The following TNS3 variants were observed in gnomAD, a reference collection of about 807,000 sequenced individuals.
TNS3 encodes tensin 3, also known as tensin-3.
A neutral mutation model predicts 140.9 loss-of-function variants in TNS3; 45 were observed. That is an observed-to-expected ratio of 0.32 (90% confidence interval 0.25 to 0.41). TNS3 has a LOEUF of 0.41. TNS3 is among the 10% of genes least tolerant of loss of function. TNS3 has a pLI of 1.00. For synonymous variants in TNS3, 815 were observed against 788.4 expected (o/e 1.03, Z -0.56); for missense variants, 1,716 against 1,906.7 (o/e 0.90, Z 1.86).
At chr7:47,373,294 C>T (rs80048215) in intron 16 of TNS3, among the ~76,000 whole-genome samples, 2,072 of 152,170 alleles carry the variant, frequency 0.014, 43 homozygotes, top group African/African-American at 0.047. Context: ...TTTACGTTTA[C>T]AAAATGGAAT....
At chr7:47,411,649 C>G (rs1584598246) in intron 13 of TNS3, 78 bp downstream of exon 13, 5 of 1,458,616 alleles carry the variant, frequency 3.4e-6, no homozygotes, top group Middle Eastern at 3.7e-4. Flanking sequence ...ACTGTTTTAA[C>G]ACAGAATCAT....
chr7:47,560,455 G>A (rs958489636), intron 1 of TNS3, among the ~76,000 whole-genome samples: 2 of 152,150 alleles, frequency 1.3e-5, no homozygotes, highest in Non-Finnish European at 2.9e-5. Context: ...ATATCACTCT[G>A]TCCAAAACCT....
intron 1 of TNS3, among the ~76,000 whole-genome samples, chr7:47,553,928 C>A (rs1800126150): frequency 6.6e-6 from 1 of 151,974 alleles, no homozygotes; most frequent in South Asian, 2.1e-4. Context: ...CCTCAGCCTC[C>A]CGAGTAGCTG....
intron 13 of TNS3, among the ~76,000 whole-genome samples, chr7:47,411,034 T>C (rs834606): frequency 0.4 from 61,524 of 152,056 alleles, 12,622 homozygotes; most frequent in Non-Finnish European, 0.42. Flanking sequence ...TTTCACACTT[T>C]GGCTATTAAT....
intron 16 of TNS3, among the ~76,000 whole-genome samples, chr7:47,385,012 C>T (rs1791992811): frequency 6.6e-6 from 1 of 152,230 alleles, no homozygotes; most frequent in Non-Finnish European, 1.5e-5. Flanking sequence ...TCAACACCTC[C>T]ACTCCCCAGA....
chr7:47,369,244 C>T lies in TNS3; in HGVS notation c.1402G>A (p.Ala468Thr), dbSNP rs763570735. 7.4e-6 allele frequency: 12 copies of T among 1,614,064 alleles called. No homozygotes were observed. The highest frequency in any genetic ancestry group is 5.3e-5 in the African/African-American group (4 of 74,930). The change falls in exon 17 of 31, where the codon GCT becomes ACT. Residue 468 changes from alanine (A) to threonine (T), a missense_variant. This residue lies in a region of TNS3 where 1,163 missense variants were observed against 1,182.1 expected (regional missense o/e 0.98). Coordinates refer to ENST00000311160, the MANE Select transcript of TNS3 (RefSeq NM_022748.12). ...VPAQVHVNGD[A>T]ALKDRETDIL... ...TCTGTCTCCCGATCCTTCAGAGCAG[C>T]GTCTCCATTCACGTGAACCTGGGCT...
intron 20 of TNS3, among the ~76,000 whole-genome samples, chr7:47,324,419 AAC>A (rs1223040349): frequency 6.6e-6 from 1 of 152,230 alleles, no homozygotes; most frequent in Non-Finnish European, 1.5e-5. Flanking sequence ...CCTATCCACA[AAC>A]ATGGCTTTCT....
chr7:47,557,077 C>T (rs1446620143), intron 1 of TNS3: 1 of 456,808 alleles, frequency 2.2e-6, no homozygotes, highest in Non-Finnish European at 4.4e-6. Context: ...CATCTTCCAC[C>T]AGTTGGTGAT....
In TNS3 at chr7:47,293,833, G is replaced by A. The variant is rs368832294; in HGVS notation, c.3677-5C>T. 1.1e-4 allele frequency: 170 copies of A among 1,614,106 alleles called. No homozygotes were observed. Among genetic ancestry groups the A allele is most frequent in the Admixed American group, 1.8e-4 (11 of 60,032 alleles). On this transcript the variant is annotated splice_polypyrimidine_tract_variant and splice_region_variant and intron_variant, in intron 24 of 30. Transcript: ENST00000311160. ...GTTCATTGGCCAAATCTCCAGCTGT[G>A]GCAAGAAATTTAAAGAAAGAAGAAT...
intron 9 of TNS3, among the ~76,000 whole-genome samples, chr7:47,425,943 G>T (rs1794622436): frequency 6.6e-6 from 1 of 151,850 alleles, no homozygotes; most frequent in South Asian, 2.1e-4. Flanking sequence ...TTGTAGAAAT[G>T]ATCAAAAATA....
chr7:47,368,657 T>G lies in TNS3; in HGVS notation c.1989A>C (p.Lys663Asn), dbSNP rs1790854810. Residue 663 changes from lysine to asparagine, a missense_variant, in exon 17 of 31, where the codon AAA becomes AAC. Physicochemically the swap from Lys to Asn is moderately conservative, Grantham distance 94. This residue lies in a region of TNS3 where 1,163 missense variants were observed against 1,182.1 expected (regional missense o/e 0.98). Transcript: ENST00000311160. Reference sequence around the variant, plus strand: ...CTCCTGGAAACCTGGGTTTGAACGCTTTGCTGGGAGAGGGCTGCTGTGTGT... The same window carrying G: ...CTCCTGGAAACCTGGGTTTGAACGCGTTGCTGGGAGAGGGCTGCTGTGTGT... ...PPDTQQPSPS[K>N]AFKPRFPGDQ... 6.2e-7 allele frequency: 1 copy of G among 1,601,440 alleles called. No homozygotes were observed. Among genetic ancestry groups the G allele is most frequent in the East Asian group, 2.2e-5 (1 of 44,816 alleles).
intron 1 of TNS3, among the ~76,000 whole-genome samples, chr7:47,537,115 C>A (rs1344083411): frequency 2.0e-5 from 3 of 151,888 alleles, no homozygotes; most frequent in Non-Finnish European, 4.4e-5. Flanking sequence ...CATGGCTGCC[C>A]CTGCCGCCCG....
Position 47,326,880 on chromosome 7 carries a change from G to A in TNS3, c.2650+17875C>T, listed in dbSNP as rs113962110. The stretch of plus-strand genomic sequence containing the variant: ...TTTTCAGCCTGGGAAGGAGAAGCTG[G>A]ACCTTGAGCCACTTGGGCTTGTCTC... On this transcript the variant is annotated intron_variant, in intron 20 of 30. Coordinates refer to ENST00000311160, the MANE Select transcript of TNS3 (RefSeq NM_022748.12). Among the ~76,000 whole-genome samples the A allele has an allele frequency of 4.4e-3, 675 of 152,306 alleles. 7 individuals are homozygous for A. The highest frequency in any genetic ancestry group is 0.015 in the African/African-American group (642 of 41,542).
Position 47,544,285 on chromosome 7 carries a change from C to A in TNS3, c.-264-15138G>T, listed in dbSNP as rs149349955. Among the ~76,000 whole-genome samples, 427 of 152,206 alleles carry A rather than the reference C, an allele frequency of 2.8e-3. 3 individuals are homozygous for A. The highest frequency in any genetic ancestry group is 9.7e-3 in the African/African-American group (404 of 41,516). ...GGGGGTGCCCAGCCCAAAAGATAAA[C>A]AAGGGCCCACCTGTCTCCACCTCTC... On this transcript the variant is annotated intron_variant, in intron 1 of 30. Transcript: ENST00000311160.
In TNS3 at chr7:47,277,888, C is replaced by T; in HGVS notation, c.*188G>A. 1 of 739,954 alleles carries T rather than the reference C, an allele frequency of 1.4e-6. No individual in the cohort carries two copies. Among genetic ancestry groups the T allele is most frequent in the Non-Finnish European group, 2.4e-6 (1 of 424,272 alleles). The allele number at this position is 739,954 out of a possible 1,614,324, so 45.8% of individuals were successfully genotyped here. ...AGAGATGTGTCAGATAAGTCACTTT[C>T]AGGAAAGGCCAATTCACGGTGATGT... is the stretch of plus-strand genomic sequence containing the variant. On this transcript the variant is annotated 3_prime_UTR_variant, in exon 31 of 31. Transcript: ENST00000311160.
chr7:47,557,165 G>C (rs1170471955), intron 1 of TNS3: 1 of 456,622 alleles, frequency 2.2e-6, no homozygotes, highest in Non-Finnish European at 4.4e-6. Flanking sequence ...AAATGTCCAG[G>C]GTCAGAACAA....
intron 4 of TNS3, among the ~76,000 whole-genome samples, chr7:47,467,638 C>G (rs1226050434): frequency 6.6e-6 from 1 of 152,116 alleles, no homozygotes; most frequent in Non-Finnish European, 1.5e-5. Flanking sequence ...GAAGTTTCTG[C>G]CCAAAAAGCT....
intron 17 of TNS3, among the ~76,000 whole-genome samples, chr7:47,347,152 C>T (rs67881034): frequency 0.11 from 17,060 of 152,256 alleles, 1,044 homozygotes; most frequent in East Asian, 0.17. Flanking sequence ...CTGTCCCCTA[C>T]AGTTTAGATT....
intron 10 of TNS3, among the ~76,000 whole-genome samples, chr7:47,420,349 G>A (rs1794309249): frequency 6.6e-6 from 1 of 152,130 alleles, no homozygotes; most frequent in Non-Finnish European, 1.5e-5. Flanking sequence ...CCAGGAGGAG[G>A]CCGTTTCCTG....
Sources: allele counts gnomAD v4.1 joint callset (sites outside exome capture counted in the v4.1 genomes callset), GRCh38; gene constraint gnomAD v4.1.1; regional missense constraint gnomAD v4.1.1; transcripts MANE v1.5; gene names NCBI Gene and HGNC (gene_info 2026-07-23, HGNC 2026-07-21).